Variants in FBXL17 observed in about 807,000 individuals in gnomAD.
FBXL17 encodes F-box and leucine rich repeat protein 17.
Under a neutral mutation model 66.2 loss-of-function variants are expected in FBXL17, and 22 were observed. That is an observed-to-expected ratio of 0.33 (90% CI 0.24 to 0.47). The LOEUF is 0.47. FBXL17 is among the 20% of genes least tolerant of loss of function. The probability of loss-of-function intolerance (pLI) is 1.00; values close to 1 mark genes in which losing one functional copy is unlikely to be tolerated. For missense variants in FBXL17, 878 were observed against 948.2 expected (o/e 0.93, Z 0.97); for synonymous variants, 474 against 400.5 (o/e 1.18, Z -2.19).
chr5:108,186,086 A>T (rs1439198442), intron 6 of FBXL17, 31 bp downstream of exon 6: 1 of 1,556,620 alleles, frequency 6.4e-7, no homozygotes, highest in African/African-American at 1.4e-5. Flanking sequence ...TTTCCTCTAG[A>T]AAAGTATTTT....
chr5:108,089,022 C>T (rs956124372), intron 6 of FBXL17, among the ~76,000 whole-genome samples: 6 of 152,160 alleles, frequency 3.9e-5, no homozygotes, highest in Non-Finnish European at 8.8e-5. Flanking sequence ...TAAAGAAAAA[C>T]CAAAACCAAA....
At chr5:108,367,976 T>C (rs1035013092) in intron 1 of FBXL17, 23 bp from the exon 2 acceptor site, 3 of 1,539,734 alleles carry the variant, frequency 1.9e-6, no homozygotes, top group Non-Finnish European at 2.6e-6. Flanking sequence ...AACGGTACCA[T>C]ATAATATGTG....
intron 6 of FBXL17, among the ~76,000 whole-genome samples, chr5:108,150,587 AT>A (rs1751729471): frequency 6.6e-6 from 1 of 152,136 alleles, no homozygotes; most frequent in Non-Finnish European, 1.5e-5. Context: ...TTCTCCTTTA[AT>A]TTTTGCTCTT....
At chr5:107,980,664 A>ATATATATATATATATTTTTTTT in intron 7 of FBXL17, among the ~76,000 whole-genome samples, 15 of 62,064 alleles carry the variant, frequency 2.4e-4, no homozygotes, top group African/African-American at 7.2e-4. Context: ...ATATATATAT[A>ATATATATATATATATTTTTTTT]TTTTTTTTTT....
intron 7 of FBXL17, among the ~76,000 whole-genome samples, chr5:107,951,019 T>G (rs1024363103): frequency 6.6e-6 from 1 of 152,196 alleles, no homozygotes; most frequent in African/African-American, 2.4e-5. Flanking sequence ...CTGCCACTAA[T>G]GTCCTAATAA....
rs569480619 is a variant in FBXL17, at chr5:108,224,618, G to C, written c.1507-390C>G. Among the ~76,000 whole-genome samples, 114 of 152,108 alleles carry C rather than the reference G, an allele frequency of 7.5e-4. 1 individual carries two copies. In the Middle Eastern group the frequency reaches 0.02, roughly 27 times the overall value. Reference sequence around the variant, plus strand: ...TTTTGTTTTGTTTTGTTTTGACAGAGACTCACTGTGTTGCCCAGGATGGAG... The same window carrying C: ...TTTTGTTTTGTTTTGTTTTGACAGACACTCACTGTGTTGCCCAGGATGGAG... On this transcript the variant is annotated intron_variant, in intron 4 of 8. Coordinates refer to ENST00000542267, the MANE Select transcript of FBXL17 (RefSeq NM_001163315.3).
chr5:108,116,644 C>T (rs1454263504), intron 6 of FBXL17, among the ~76,000 whole-genome samples: 1 of 151,488 alleles, frequency 6.6e-6, no homozygotes, highest in Non-Finnish European at 1.5e-5. Context: ...AAGACTCCGT[C>T]TCAAAAATAA....
chr5:108,321,073 C>T (rs1436268029), intron 4 of FBXL17, among the ~76,000 whole-genome samples: 1 of 151,692 alleles, frequency 6.6e-6, no homozygotes, highest in Non-Finnish European at 1.5e-5. Context: ...ACCATAGATG[C>T]TTATAAGAAA....
At chr5:108,289,224 A>T (rs770993388) in intron 4 of FBXL17, among the ~76,000 whole-genome samples, 1 of 152,152 alleles carries the variant, frequency 6.6e-6, no homozygotes, top group Non-Finnish European at 1.5e-5. Context: ...TACATGCTTG[A>T]TAATGTGTTA....
In FBXL17 at chr5:107,871,107, G is replaced by A. The variant is rs948132318; in HGVS notation, c.1966-9247C>T. On this transcript the variant is annotated intron_variant, in intron 8 of 8. Transcript: ENST00000542267. ...TCATCTAAAAATCTCAAAGTATACA[G>A]TAAGACAGATACTGAGAATGCAATG... 2.5e-5 allele frequency among the ~76,000 whole-genome samples: 3 copies of A among 122,194 alleles called. No individual in the cohort carries two copies. In the South Asian group the frequency reaches 7.9e-4, roughly 32 times the overall value. 80.2% of individuals were successfully genotyped at this position (122,194 alleles called of 152,430 possible). A position where few individuals can be genotyped will look rare whatever the true frequency, so the allele number is the denominator to read the frequency against.
chr5:108,348,331 A>AATTTTTT (rs1747410289), intron 4 of FBXL17, 68 bp downstream of exon 4: 1 of 1,388,446 alleles, frequency 7.2e-7, no homozygotes, highest in Non-Finnish European at 9.7e-7. Context: ...AAAAATTATA[A>AATTTTTT]ATAAACTTGA....
chr5:107,886,413 C>T (rs1437519700), intron 7 of FBXL17, among the ~76,000 whole-genome samples: 3 of 152,028 alleles, frequency 2.0e-5, no homozygotes, highest in African/African-American at 4.8e-5. Context: ...GGCAACGGCA[C>T]CCTAGCAGCA....
In FBXL17 at chr5:107,888,775, C is replaced by A. The variant is rs576838771; in HGVS notation, c.1823-7596G>T. ...GGTGGTTTCCGCCTTGGGGCTATTA[C>A]AGATAATGCTGCTGTGAACTTTCGC... On this transcript the variant is annotated intron_variant, in intron 7 of 8. Coordinates refer to ENST00000542267, the MANE Select transcript of FBXL17 (RefSeq NM_001163315.3). Among the ~76,000 whole-genome samples, 6 of 152,260 alleles carry A rather than the reference C, an allele frequency of 3.9e-5. No homozygotes were observed. The South Asian group carries it at 1.2e-3, about 32-fold the overall frequency.
chr5:108,086,807 C>T (rs1171824914), intron 6 of FBXL17, among the ~76,000 whole-genome samples: 9 of 152,030 alleles, frequency 5.9e-5, no homozygotes, highest in East Asian at 1.9e-4. Context: ...GTGATCCACC[C>T]GCCTCGGCCT....
At chr5:108,049,565 C>T (rs925243622) in intron 6 of FBXL17, among the ~76,000 whole-genome samples, 3 of 152,032 alleles carry the variant, frequency 2.0e-5, no homozygotes, top group Non-Finnish European at 2.9e-5. Flanking sequence ...CCAGGCCTGC[C>T]GTGCAAGAGC....
At chr5:108,320,985 A>C (rs1449651068) in intron 4 of FBXL17, among the ~76,000 whole-genome samples, 1 of 151,842 alleles carries the variant, frequency 6.6e-6, no homozygotes, top group African/African-American at 2.4e-5. Flanking sequence ...ATAATTACCA[A>C]CTAGTACACC....
rs544824384 is a variant in FBXL17, at chr5:108,244,660, A to G, written c.1507-20432T>C. Among the ~76,000 whole-genome samples, 9 of 152,272 alleles carry G rather than the reference A, an allele frequency of 5.9e-5. No individual in the cohort carries two copies. In the East Asian group the frequency reaches 1.7e-3, roughly 29 times the overall value. On this transcript the variant is annotated intron_variant, in intron 4 of 8. Transcript: ENST00000542267. ...ATAAAATAGAAATCACTTAATGAAA[A>G]TCTCCATTATGACATGTTGCACCTA...
chr5:108,084,067 A>C (rs1748878278), intron 6 of FBXL17, among the ~76,000 whole-genome samples: 1 of 152,264 alleles, frequency 6.6e-6, no homozygotes, highest in African/African-American at 2.4e-5. Context: ...TCATATTCTT[A>C]TAAAGTGGCT....
At chr5:108,077,473 A>G (rs924971874) in intron 6 of FBXL17, among the ~76,000 whole-genome samples, 2 of 152,048 alleles carry the variant, frequency 1.3e-5, no homozygotes, top group Non-Finnish European at 2.9e-5. Flanking sequence ...AGACCAGCCT[A>G]GGTAACAAAT....
Sources: gnomAD v4.1 joint callset for allele counts (sites outside exome capture counted in the v4.1 genomes callset) on GRCh38, gnomAD v4.1.1 for gene constraint, MANE v1.5 for transcripts, NCBI Gene and HGNC (gene_info 2026-07-23, HGNC 2026-07-21) for gene names.